ELOVL6: variants seen among roughly 807,000 people sequenced by gnomAD.
ELOVL6 encodes ELOVL fatty acid elongase 6.
A neutral mutation model predicts 31.7 loss-of-function variants in ELOVL6; 8 were observed. The observed-to-expected ratio is 0.25, with a 90% CI of 0.15 to 0.45. ELOVL6 has a LOEUF of 0.45. Ranked by LOEUF, ELOVL6 falls within the 20% of genes least tolerant of loss-of-function variation. The probability of loss-of-function intolerance (pLI) is 1.00; values close to 1 mark genes in which losing one functional copy is unlikely to be tolerated. For synonymous variants in ELOVL6, 101 were observed against 117.7 expected (o/e 0.86, Z 0.92); for missense variants, 126 against 326.4 (o/e 0.39, Z 4.73).
rs544234717 is a variant in ELOVL6, at chr4:110,090,600, C to CTTTTTTTTTTTTTT, written c.221+14883_221+14896dup. On this transcript the variant is annotated intron_variant, in intron 2 of 3. Coordinates refer to ENST00000302274, the MANE Select transcript of ELOVL6 (RefSeq NM_024090.3). ...GGAACTTACAGGAAAGTTTGACTTTCTTTTTTTTTTTTTTTTTTTTCATGA... is the reference window on the plus strand; with the variant it reads ...GGAACTTACAGGAAAGTTTGACTTTCTTTTTTTTTTTTTTTTTTTTTTTTTTTTTTTTTTCATGA... Among the ~76,000 whole-genome samples, 27 of 103,704 alleles carry CTTTTTTTTTTTTTT rather than the reference C, an allele frequency of 2.6e-4. 1 individual carries two copies. The highest frequency in any genetic ancestry group is 7.7e-4 in the African/African-American group (18 of 23,340). The allele number at this position is 103,704 out of a possible 152,430, so 68.0% of individuals were successfully genotyped here. A position where few individuals can be genotyped will look rare whatever the true frequency, so the allele number is the denominator to read the frequency against.
chr4:110,075,329 A>T (rs1256102662), intron 2 of ELOVL6, among the ~76,000 whole-genome samples: 1 of 152,256 alleles, frequency 6.6e-6, no homozygotes, highest in Non-Finnish European at 1.5e-5. Context: ...TGCTCAAAAC[A>T]GCAGCATTAT....
At chr4:110,079,591 G>A (rs1202958961) in intron 2 of ELOVL6, among the ~76,000 whole-genome samples, 1 of 152,160 alleles carries the variant, frequency 6.6e-6, no homozygotes, top group African/African-American at 2.4e-5. Flanking sequence ...ATTCAAAGCA[G>A]TGTGTAGAGG....
intron 2 of ELOVL6, among the ~76,000 whole-genome samples, chr4:110,079,635 G>A (rs1231868436): frequency 6.6e-6 from 1 of 152,124 alleles, no homozygotes; most frequent in Non-Finnish European, 1.5e-5. Flanking sequence ...ACAAGAGAAA[G>A]CAGAAAAGAT....
At chr4:110,168,828 T>C (rs1029278388) in intron 1 of ELOVL6, among the ~76,000 whole-genome samples, 1 of 152,196 alleles carries the variant, frequency 6.6e-6, no homozygotes, top group Admixed American at 6.5e-5. Context: ...CTCCAAGACA[T>C]GCCCAATCAC....
At chr4:110,190,451 C>T (rs1390576725) in intron 1 of ELOVL6, among the ~76,000 whole-genome samples, 2 of 152,160 alleles carry the variant, frequency 1.3e-5, no homozygotes, top group Non-Finnish European at 2.9e-5. Context: ...ATAACTATTG[C>T]ACAACCAACT....
intron 3 of ELOVL6, among the ~76,000 whole-genome samples, chr4:110,059,136 A>G (rs1157675218): frequency 2.6e-5 from 4 of 152,158 alleles, no homozygotes; most frequent in Non-Finnish European, 5.9e-5. Context: ...ACCAGAGACC[A>G]ACCCTCAGCA....
chr4:110,116,298 T>C (rs905582778), intron 1 of ELOVL6, among the ~76,000 whole-genome samples: 9 of 152,236 alleles, frequency 5.9e-5, no homozygotes, highest in African/African-American at 2.2e-4. Flanking sequence ...GCCATTCTTC[T>C]ACTAAAACAC....
chr4:110,152,785 C>T (rs1758314788), intron 1 of ELOVL6, among the ~76,000 whole-genome samples: 1 of 152,222 alleles, frequency 6.6e-6, no homozygotes, highest in African/African-American at 2.4e-5. Context: ...TGTGCGTACA[C>T]ATGCACTTAT....
At chr4:110,188,026 G>A (rs1256425864) in intron 1 of ELOVL6, among the ~76,000 whole-genome samples, 2 of 152,174 alleles carry the variant, frequency 1.3e-5, no homozygotes, top group Non-Finnish European at 2.9e-5. Context: ...TCTTCACATT[G>A]TAGGAGCTGA....
intron 1 of ELOVL6, chr4:110,117,903 A>AAAAAAAAAAAATATATAT: frequency 1.5e-4 from 1 of 6,506 alleles, no homozygotes; most frequent in African/African-American, 3.3e-4. Context: ...AAAAAAAAAA[A>AAAAAAAAAAAATATATAT]ATATATATAT....
chr4:110,194,925 T>G (rs951500992), intron 1 of ELOVL6, among the ~76,000 whole-genome samples: 3 of 152,206 alleles, frequency 2.0e-5, no homozygotes, highest in Non-Finnish European at 4.4e-5. Context: ...AGAAGAGATT[T>G]ATAAGGACAA....
intron 1 of ELOVL6, among the ~76,000 whole-genome samples, chr4:110,183,180 G>A (rs554053087): frequency 9.2e-5 from 14 of 152,248 alleles, no homozygotes; most frequent in African/African-American, 3.1e-4. Flanking sequence ...GGGCAGTCAC[G>A]TATGAGACTT....
intron 1 of ELOVL6, among the ~76,000 whole-genome samples, chr4:110,172,894 C>T (rs1221136616): frequency 2.0e-4 from 30 of 152,040 alleles, no homozygotes; most frequent in Admixed American, 2.0e-3. Flanking sequence ...CAACAATACT[C>T]CCTGGACCTC....
At chr4:110,176,207 C>G (rs1008582539) in intron 1 of ELOVL6, among the ~76,000 whole-genome samples, 3 of 151,986 alleles carry the variant, frequency 2.0e-5, no homozygotes, top group Non-Finnish European at 2.9e-5. Context: ...CTGTTGCTCA[C>G]GCTGGAATGC....
chr4:110,135,288 A>G (rs892355676), intron 1 of ELOVL6, among the ~76,000 whole-genome samples: 2 of 152,192 alleles, frequency 1.3e-5, no homozygotes, highest in Admixed American at 6.5e-5. Flanking sequence ...TCTTCACACT[A>G]ACTTCACTAG....
At chr4:110,109,940 A>C (rs1011119419) in intron 1 of ELOVL6, among the ~76,000 whole-genome samples, 2 of 152,186 alleles carry the variant, frequency 1.3e-5, no homozygotes, top group Non-Finnish European at 1.5e-5. Context: ...AGGAGATGGG[A>C]AAGTAAAAAG....
chr4:110,084,636 C>T (rs1289470735), intron 2 of ELOVL6, among the ~76,000 whole-genome samples: 2 of 125,566 alleles, frequency 1.6e-5, no homozygotes, highest in Admixed American at 1.8e-4. Context: ...GCTCTGTCGC[C>T]CAGACTGGAG....
intron 1 of ELOVL6, among the ~76,000 whole-genome samples, chr4:110,122,303 A>T (rs1234109253): frequency 6.6e-6 from 1 of 152,184 alleles, no homozygotes; most frequent in East Asian, 1.9e-4. Flanking sequence ...TGGCATTAAT[A>T]TTATATGGTA....
Position 110,051,350 on chromosome 4 carries a change from C to T in ELOVL6, c.786G>A (p.Thr262=), listed in dbSNP as rs148477275. 1.1e-5 allele frequency: 17 copies of T among 1,613,996 alleles called. No homozygotes were observed. Among genetic ancestry groups the T allele is most frequent in the Admixed American group, 8.3e-5 (5 of 60,020 alleles). Residue 262 remains threonine, a synonymous_variant, in exon 4 of 4, where the codon ACG becomes ACA. Coordinates refer to ENST00000302274, the MANE Select transcript of ELOVL6 (RefSeq NM_024090.3). The surrounding 1 kb of genome is among the most constrained non-coding windows in gnomAD (Gnocchi z 4.8). ...CTCAGTTCCAACACTATTCAGCTTT[C>T]GTTGTTTTCCTCATTTTGCCGATGT... ...EAYIGKMRKT[T]KAE
Sources: gnomAD v4.1 joint callset for allele counts (sites outside exome capture counted in the v4.1 genomes callset) on GRCh38, gnomAD v4.1.1 for gene constraint, Gnocchi (gnomAD v3.1) non-coding constraint, MANE v1.5 for transcripts, NCBI Gene and HGNC (gene_info 2026-07-23, HGNC 2026-07-21) for gene names.